Variants in MAPK6 observed in about 807,000 individuals in gnomAD.
The protein encoded by MAPK6 is ERK-3.
MAPK6 carries 19 observed loss-of-function variants against 59.3 expected under a neutral mutation model. The ratio of observed to expected loss-of-function variants is 0.32; its 90% confidence interval spans 0.22 to 0.47. The LOEUF is 0.47. Among genes scored for constraint, MAPK6 ranks in the 20% least tolerant of loss-of-function variants. The probability of loss-of-function intolerance (pLI) is 1.00; values close to 1 mark genes in which losing one functional copy is unlikely to be tolerated. For missense variants in MAPK6, 724 were observed against 847.9 expected, an observed-to-expected ratio of 0.85 and a Z score of 1.81; for synonymous variants, 316 against 290.3, an observed-to-expected ratio of 1.09 and a Z score of -0.90.
chr15:52,007,675 C>T (rs1228435062), intron 3 of MAPK6, among the ~76,000 whole-genome samples: 4 of 150,726 alleles, frequency 2.7e-5, no homozygotes, highest in Non-Finnish European at 4.4e-5. Context: ...TGTACTCCAG[C>T]CTGGGCAATA....
intron 1 of MAPK6, chr15:52,024,802 C>T (rs1426773778): frequency 6.6e-6 from 1 of 151,768 alleles, no homozygotes; most frequent in African/African-American, 2.4e-5. Flanking sequence ...AACGCACTGC[C>T]ACCTGGAACT....
intron 2 of MAPK6, among the ~76,000 whole-genome samples, chr15:51,984,238 A>G (rs916328910): frequency 6.6e-6 from 1 of 152,104 alleles, no homozygotes; most frequent in East Asian, 1.9e-4. Flanking sequence ...ATATTGTTGA[A>G]TCACTAAAGC....
chr15:52,002,007 G>A (rs998295245), intron 2 of MAPK6, among the ~76,000 whole-genome samples: 4 of 152,280 alleles, frequency 2.6e-5, no homozygotes, highest in African/African-American at 9.6e-5. Context: ...CTACACTGAT[G>A]ATTTAGTCTG....
intron 1 of MAPK6, among the ~76,000 whole-genome samples, chr15:51,974,645 C>A (rs1238794581): frequency 3.9e-4 from 46 of 116,892 alleles, no homozygotes; most frequent in African/African-American, 1.3e-3. Context: ...GGAGACAGAG[C>A]GAGACTCCGT....
chr15:52,053,427 T>C (rs1023022595), intron 3 of MAPK6, among the ~76,000 whole-genome samples: 1 of 152,210 alleles, frequency 6.6e-6, no homozygotes, highest in African/African-American at 2.4e-5. Flanking sequence ...TGATTGAATG[T>C]CTGTCCAGAT....
rs765556423 is a variant in MAPK6 at position 52,046,166 on chromosome 15, C to A, written c.-295C>A. On this transcript the variant is annotated 5_prime_UTR_variant, in exon 2 of 6. Coordinates refer to ENST00000261845, the MANE Select transcript of MAPK6 (RefSeq NM_002748.4). The stretch of plus-strand genomic sequence containing the variant: ...GAGTGCACAGTATGTCATTTCATTC[C>A]GTTTGAGTTTCTTGTTTTCGTTAAA... The A allele has an allele frequency of 1.8e-5, 5 of 281,144 alleles. No homozygotes were observed. The highest frequency in any genetic ancestry group is 6.7e-5 in the African/African-American group (3 of 44,642). 17.4% of individuals were successfully genotyped at this position (281,144 alleles called of 1,614,324 possible).
intron 2 of MAPK6, among the ~76,000 whole-genome samples, chr15:51,995,213 A>T (rs1231124747): frequency 6.6e-6 from 1 of 152,178 alleles, no homozygotes; most frequent in African/African-American, 2.4e-5. Context: ...GCCTCAGCTG[A>T]CCTCATGAGG....
intron 3 of MAPK6, among the ~76,000 whole-genome samples, chr15:52,051,999 G>T (rs567538841): frequency 6.6e-6 from 1 of 152,318 alleles, no homozygotes; most frequent in Admixed American, 6.5e-5. Flanking sequence ...TAGAGGTTAT[G>T]TTCCTGATAT....
At chr15:51,975,281 G>A (rs1051222297) in intron 1 of MAPK6, among the ~76,000 whole-genome samples, 1 of 151,674 alleles carries the variant, frequency 6.6e-6, no homozygotes, top group African/African-American at 2.4e-5. Flanking sequence ...GGTGGCTCAC[G>A]CCTGTAATCC....
In MAPK6 at chr15:51,989,749, G is replaced by A. The variant is rs555568358; in HGVS notation, c.-770+6434G>A. On this transcript the variant is annotated intron_variant, in intron 2 of 7. Transcript: ENST00000691380. Reference sequence around the variant, plus strand: ...CAACTAGCTAGGACTACAGGCATGTGCCACCATACCTGGCTAATTTTTATT... The same window carrying A: ...CAACTAGCTAGGACTACAGGCATGTACCACCATACCTGGCTAATTTTTATT... 2.0e-4 allele frequency among the ~76,000 whole-genome samples: 31 copies of A among 152,084 alleles called. No individual in the cohort carries two copies. The East Asian group carries it at 6.0e-3, about 29-fold the overall frequency.
At chr15:52,052,472 T>G (rs1243812498) in intron 3 of MAPK6, among the ~76,000 whole-genome samples, 2 of 152,212 alleles carry the variant, frequency 1.3e-5, no homozygotes, top group South Asian at 2.1e-4. Flanking sequence ...TTTTAGTATA[T>G]TTACAGAGTT....
rs1185330710 is a variant in MAPK6 at position 52,039,317 on chromosome 15, AT to A, written c.-631-6510del. ...CTTACTAGTTGTAATCTGGTTACAG[AT>A]TTACTGTAAGTCATCCATACTGGAA... is the stretch of plus-strand genomic sequence containing the variant. On this transcript the variant is annotated intron_variant, in intron 1 of 5. Coordinates refer to ENST00000261845, the MANE Select transcript of MAPK6 (RefSeq NM_002748.4). 2.6e-5 allele frequency among the ~76,000 whole-genome samples: 4 copies of A among 152,160 alleles called. No homozygotes were observed. The East Asian group carries it at 7.8e-4, about 30-fold the overall frequency.
chr15:51,990,198 G>C (rs950152909), intron 2 of MAPK6, among the ~76,000 whole-genome samples: 4 of 152,182 alleles, frequency 2.6e-5, no homozygotes, highest in African/African-American at 9.6e-5. Context: ...AGTGTTTACT[G>C]TCTAATGATT....
chr15:51,979,199 A>G (rs2057165818), intron 1 of MAPK6, among the ~76,000 whole-genome samples: 1 of 145,268 alleles, frequency 6.9e-6, no homozygotes, highest in Admixed American at 7.1e-5. Flanking sequence ...GAAAAGAGAA[A>G]GAAGGAAAGA....
chr15:52,019,014 C>A (rs964170236), upstream of MAPK6: 1 of 152,348 alleles, frequency 6.6e-6, no homozygotes, highest in Non-Finnish European at 1.5e-5. Flanking sequence ...CAGCTGTCTT[C>A]CTCCCTGCCC....
chr15:52,046,934 T>G lies in MAPK6; in HGVS notation c.474T>G (p.Leu158=), dbSNP rs2031609876. The G allele has an allele frequency of 6.2e-7, 1 of 1,613,654 alleles. No homozygotes were observed. Among genetic ancestry groups the G allele is most frequent in the Non-Finnish European group, 8.5e-7 (1 of 1,179,898 alleles). The part of the protein sequence containing the change: ...VLHRDLKPAN[L]FINTEDLVLK... ...ACAGAGATCTCAAACCAGCTAATCT[T>G]TTCATTAATACGGAAGACTTGGTGC... The change falls in exon 2 of 6, where the codon CTT becomes CTG. Residue 158 remains leucine, a synonymous_variant. Transcript: ENST00000261845.
In MAPK6 at chr15:52,046,552, A is replaced by G. The variant is rs1346166702; in HGVS notation, c.92A>G (p.Asn31Ser). 3 of 1,614,088 alleles carry G rather than the reference A, an allele frequency of 1.9e-6. No homozygotes were observed. The highest frequency in any genetic ancestry group is 1.7e-6 in the Non-Finnish European group (2 of 1,179,946). ...MDLKPLGCGGNGLVFSAVDND... is the reference protein window; with the variant it reads ...MDLKPLGCGGSGLVFSAVDND... ...TTAAAACCATTGGGTTGTGGAGGCA[A>G]TGGCTTGGTTTTTTCTGCTGTAGAC... Residue 31 changes from asparagine (N) to serine (S), a missense_variant, in exon 2 of 6, where the codon AAT becomes AGT. Asn to Ser is a conservative substitution (Grantham distance 46). This residue lies in a region of MAPK6 where 30 missense variants were observed against 55.3 expected (regional missense o/e 0.54). Transcript: ENST00000261845.
At chr15:52,040,566 C>G (rs949857731) in intron 1 of MAPK6, among the ~76,000 whole-genome samples, 3 of 152,102 alleles carry the variant, frequency 2.0e-5, no homozygotes, top group Admixed American at 1.3e-4. Flanking sequence ...ATAAGTAGGC[C>G]AAGTTGCTCC....
chr15:52,000,283 T>G (rs528055554), intron 2 of MAPK6, among the ~76,000 whole-genome samples: 1 of 152,316 alleles, frequency 6.6e-6, no homozygotes, highest in East Asian at 1.9e-4. Flanking sequence ...ACAAAAGTTT[T>G]TCATTTATAT....
Sources: allele counts gnomAD v4.1 joint callset (sites outside exome capture counted in the v4.1 genomes callset), GRCh38; gene constraint gnomAD v4.1.1; regional missense constraint gnomAD v4.1.1; transcripts MANE v1.5; gene names NCBI Gene and HGNC (gene_info 2026-07-23, HGNC 2026-07-21).